Variants in PRH1 observed in about 807,000 individuals in gnomAD.
PRH1 encodes salivary acidic proline-rich phosphoprotein 1/2.
In PRH1, 7 loss-of-function variants were observed where a neutral mutation model predicts 7.9. The ratio of observed to expected loss-of-function variants is 0.89; its 90% CI spans 0.50 to 1.67. The LOEUF (loss-of-function observed/expected upper bound fraction) is 1.67, where lower values mean the gene tolerates loss of function less well. Among genes scored for constraint, PRH1 ranks in the 40% most tolerant of loss-of-function variants. The probability of loss-of-function intolerance (pLI) is 0.00; values close to 1 mark genes in which losing one functional copy is unlikely to be tolerated. For missense variants in PRH1, 109 were observed against 223.6 expected (o/e 0.49, Z 3.27); for synonymous variants, 45 against 80.8 (o/e 0.56, Z 2.38).
chr12:10,973,644 G>A (rs1938940213), intron 2 of PRH1: 3 of 777,874 alleles, frequency 3.9e-6, no homozygotes, highest in Non-Finnish European at 2.4e-6. Flanking sequence ...TACTTGATAT[G>A]TAGAAGTTAC....
At chr12:10,919,964 A>G (rs1380811615) in intron 2 of PRH1, among the ~76,000 whole-genome samples, 2 of 151,186 alleles carry the variant, frequency 1.3e-5, no homozygotes, top group Non-Finnish European at 2.9e-5. Context: ...GAGTGGCTCA[A>G]TTAAGGCTCA....
At chr12:10,992,787 G>A (rs1424992754) in intron 1 of PRH1, among the ~76,000 whole-genome samples, 1 of 152,078 alleles carries the variant, frequency 6.6e-6, no homozygotes, top group Non-Finnish European at 1.5e-5. Context: ...GATGTAATGG[G>A]TTTATATTTA....
At chr12:11,028,579 G>A (rs1477387855) in intron 1 of PRH1, among the ~76,000 whole-genome samples, 1 of 152,118 alleles carries the variant, frequency 6.6e-6, no homozygotes, top group Non-Finnish European at 1.5e-5. Flanking sequence ...AAAGTAGCTG[G>A]TTACTAACTC....
chr12:11,135,605 A>G (rs1416680812), intron 1 of PRH1, among the ~76,000 whole-genome samples: 1 of 133,378 alleles, frequency 7.5e-6, no homozygotes, highest in Non-Finnish European at 1.7e-5. Flanking sequence ...AACTGATAAA[A>G]GAACTCTGCT....
chr12:10,967,918 T>C (rs1170573119), intron 2 of PRH1, among the ~76,000 whole-genome samples: 1 of 152,146 alleles, frequency 6.6e-6, no homozygotes, highest in African/African-American at 2.4e-5. Flanking sequence ...TAAAATCCTC[T>C]TTTTAAAAAT....
chr12:10,938,164 CAA>C (rs1383502013), intron 2 of PRH1: 7 of 901,170 alleles, frequency 7.8e-6, no homozygotes, highest in African/African-American at 5.1e-5. Flanking sequence ...GTAAAATTCA[CAA>C]AGTTATACAC....
chr12:11,160,263 CT>C (rs1393435357), intron 1 of PRH1, among the ~76,000 whole-genome samples: 2 of 152,066 alleles, frequency 1.3e-5, no homozygotes, highest in African/African-American at 4.8e-5. Context: ...AAATAAGTCC[CT>C]AAAATTATTC....
intron 1 of PRH1, among the ~76,000 whole-genome samples, chr12:11,020,222 T>G (rs2136066833): frequency 6.6e-6 from 1 of 152,372 alleles, no homozygotes; most frequent in East Asian, 1.9e-4. Flanking sequence ...ATCCAATCAC[T>G]TATGTGTTCA....
intron 2 of PRH1, among the ~76,000 whole-genome samples, chr12:10,935,735 TA>T (rs1950277816): frequency 1.3e-5 from 2 of 152,322 alleles, no homozygotes; most frequent in South Asian, 4.1e-4. Flanking sequence ...AATCCCAATA[TA>T]TTCTTATTTC....
intron 1 of PRH1, among the ~76,000 whole-genome samples, chr12:11,154,389 T>C (rs991488267): frequency 6.6e-6 from 1 of 152,190 alleles, no homozygotes; most frequent in African/African-American, 2.4e-5. Flanking sequence ...ATGACAGCCA[T>C]ATACCAAGTA....
At chr12:11,048,592 T>C, upstream of PRH1, 2 of 589,716 alleles carry the variant, frequency 3.4e-6, no homozygotes, top group South Asian at 3.9e-5. Context: ...TATGTGCACC[T>C]TGGTGCTGAG....
intron 1 of PRH1, among the ~76,000 whole-genome samples, chr12:10,981,458 C>T (rs551965316): frequency 1.9e-3 from 281 of 148,578 alleles, no homozygotes; most frequent in South Asian, 3.3e-3. Context: ...ACTGCAACCT[C>T]TGCCTCCCGG....
chr12:11,125,136 C>T (rs1946068395), intron 1 of PRH1, among the ~76,000 whole-genome samples: 1 of 152,248 alleles, frequency 6.6e-6, no homozygotes, highest in Admixed American at 6.5e-5. Context: ...AGCCACCATG[C>T]CCGGCACAAT....
intron 1 of PRH1, among the ~76,000 whole-genome samples, chr12:11,153,035 T>C (rs1947146718): frequency 6.6e-6 from 1 of 152,160 alleles, no homozygotes; most frequent in African/African-American, 2.4e-5. Context: ...ACACTGGCAA[T>C]CCCTGGCATG....
At chr12:11,076,418 T>TTTATA (rs1555158458) in intron 1 of PRH1, among the ~76,000 whole-genome samples, 1 of 132,430 alleles carries the variant, frequency 7.6e-6, no homozygotes. Context: ...CTATACTCTC[T>TTTATA]TTGGGACTTT....
chr12:10,900,111 G>C (rs1420681477), intron 2 of PRH1, among the ~76,000 whole-genome samples: 2 of 152,146 alleles, frequency 1.3e-5, no homozygotes, highest in Non-Finnish European at 2.9e-5. Context: ...CAGATCCCAG[G>C]GAGGGGAACA....
At chr12:11,151,317 T>C (rs2136427279) in intron 1 of PRH1, among the ~76,000 whole-genome samples, 1 of 152,158 alleles carries the variant, frequency 6.6e-6, no homozygotes, top group African/African-American at 2.4e-5. Context: ...ATAAGTGCTG[T>C]TGCTGCTCTC....
intron 1 of PRH1, among the ~76,000 whole-genome samples, chr12:11,131,663 G>T (rs2708351): frequency 0.75 from 113,399 of 152,038 alleles, 44,760 homozygotes; most frequent in East Asian, 0.96. Context: ...CTACCTTGTC[G>T]CCAATTCAGA....
intron 2 of PRH1, among the ~76,000 whole-genome samples, chr12:10,959,802 A>G (rs1372605820): frequency 6.6e-6 from 1 of 152,202 alleles, no homozygotes; most frequent in Non-Finnish European, 1.5e-5. Flanking sequence ...CTACATTATC[A>G]GTAAGGAGAC....
Sources: allele counts gnomAD v4.1 joint callset (sites outside exome capture counted in the v4.1 genomes callset), GRCh38; gene constraint gnomAD v4.1.1; transcripts MANE v1.5; gene names NCBI Gene and HGNC (gene_info 2026-07-23, HGNC 2026-07-21).